Variants in UGT2A1 observed in about 807,000 individuals in gnomAD.
The protein encoded by UGT2A1 is UDP-glucuronosyltransferase 2A1.
A neutral mutation model predicts 45.4 loss-of-function variants in UGT2A1; 61 were observed. The observed-to-expected ratio is 1.34, with a 90% CI of 1.09 to 1.66. The LOEUF (loss-of-function observed/expected upper bound fraction) is 1.66, where lower values mean the gene tolerates loss of function less well. UGT2A1 is among the 40% of genes most tolerant of loss of function. The probability of loss-of-function intolerance (pLI) is 0.00; values close to 1 mark genes in which losing one functional copy is unlikely to be tolerated. For synonymous variants in UGT2A1, 229 were observed against 196.2 expected, an observed-to-expected ratio of 1.17 and a Z score of -1.40; for missense variants, 649 against 574.3, an observed-to-expected ratio of 1.13 and a Z score of -1.33.
At chr4:69,625,963 T>G (rs995613153) in intron 3 of UGT2A1, among the ~76,000 whole-genome samples, 1 of 151,620 alleles carries the variant, frequency 6.6e-6, no homozygotes. Context: ...ATCTTAAAGA[T>G]ACTCAATAAC....
At chr4:69,618,187 A>ATGTGTGTG (rs72430246) in intron 3 of UGT2A1, among the ~76,000 whole-genome samples, 14 of 144,466 alleles carry the variant, frequency 9.7e-5, no homozygotes, top group East Asian at 4.1e-4. Context: ...GCCAGTAAGC[A>ATGTGTGTG]TGTGTGTGTG....
At chr4:69,631,010 G>A (rs1434760931) in intron 3 of UGT2A1, among the ~76,000 whole-genome samples, 3 of 152,082 alleles carry the variant, frequency 2.0e-5, no homozygotes, top group African/African-American at 7.2e-5. Flanking sequence ...GGATGTCCCA[G>A]CTCTCTAGAT....
At chr4:69,619,835 A>C (rs1720639164) in intron 3 of UGT2A1, among the ~76,000 whole-genome samples, 1 of 152,076 alleles carries the variant, frequency 6.6e-6, no homozygotes, top group South Asian at 2.1e-4. Flanking sequence ...TGCAGAAGGC[A>C]AGATTGGTTC....
chr4:69,591,003 G>T (rs1294476295), intron 6 of UGT2A1, among the ~76,000 whole-genome samples: 5 of 152,110 alleles, frequency 3.3e-5, no homozygotes, highest in Non-Finnish European at 7.4e-5. Context: ...ACTATACCTT[G>T]TGTTCCCAGA....
intron 4 of UGT2A1, chr4:69,596,313 G>A (rs1230146326): frequency 6.2e-7 from 1 of 1,608,352 alleles, no homozygotes; most frequent in Non-Finnish European, 8.5e-7. Flanking sequence ...TAAGGTTTTT[G>A]ACCATTGATC....
At position 69,596,506 on chromosome 4, in the gene UGT2A1, TG is replaced by T; in HGVS notation, c.997-1258del. 3 of 1,276,430 alleles carry T rather than the reference TG, an allele frequency of 2.4e-6. No homozygotes were observed. In the South Asian group the frequency reaches 7.1e-5, roughly 30 times the overall value. The allele number at this position is 1,276,430 out of a possible 1,614,324, so 79.1% of individuals were successfully genotyped here. ...AGAAACTGTTGAACTGTCTGTCTTC[TG>T]ACATGTAGAAAGATCTAGTTTCTAT... On this transcript the variant is annotated intron_variant, in intron 4 of 6. Transcript: ENST00000286604.
chr4:69,609,802 A>C (rs575328915), intron 3 of UGT2A1, among the ~76,000 whole-genome samples: 1 of 152,194 alleles, frequency 6.6e-6, no homozygotes, highest in African/African-American at 2.4e-5. Context: ...TGCATTCCAC[A>C]AAAAAATTAC....
At chr4:69,609,155 AT>A (rs10627999) in intron 3 of UGT2A1, among the ~76,000 whole-genome samples, 19,635 of 142,184 alleles carry the variant, frequency 0.14, 1,443 homozygotes, top group Non-Finnish European at 0.17. Context: ...AATATATAAG[AT>A]TTTTTTTTTT....
intron 2 of UGT2A1, among the ~76,000 whole-genome samples, chr4:69,646,330 G>C (rs1261854154): frequency 6.6e-6 from 1 of 151,754 alleles, no homozygotes; most frequent in African/African-American, 2.4e-5. Context: ...TAGTACCATT[G>C]ATTATATTGT....
Position 69,646,984 on chromosome 4 carries a change from A to G in UGT2A1, c.661T>C (p.Tyr221His), listed in dbSNP as rs1308849765. Reference sequence around the variant, plus strand: ...GATTTCCAAAGAGTTTCAAACATGTAGTCCTGTAGGTGGTAGGAGATGAAA... The same window carrying G: ...GATTTCCAAAGAGTTTCAAACATGTGGTCCTGTAGGTGGTAGGAGATGAAA... ...RNFISYHLQD[Y>H]MFETLWKSWD... is the part of the protein sequence containing the mutation. Residue 221 changes from tyrosine to histidine, a missense_variant, in exon 2 of 7, where the codon TAC (tyrosine) becomes CAC (histidine). Tyr to His is a moderately conservative substitution (Grantham distance 83). Transcript: ENST00000286604. 2 of 1,609,964 alleles carry G rather than the reference A, an allele frequency of 1.2e-6. No individual in the cohort carries two copies. Among genetic ancestry groups the G allele is most frequent in the Non-Finnish European group, 1.7e-6 (2 of 1,178,118 alleles).
Position 69,647,254 on chromosome 4 carries a change from T to C in UGT2A1, c.391A>G (p.Lys131Glu). The change falls in exon 2 of 7, where the codon AAA becomes GAA. Residue 131 changes from lysine (K) to glutamate (E), a missense_variant. Coordinates refer to ENST00000286604, the MANE Select transcript of UGT2A1 (RefSeq NM_001252275.3). ...AGCTTTGCCATCAGCTGTTGGTTTT[T>C]AAGAACGCCATCACAGATCTCCTGA... Reference protein sequence around the residue: ...VSQEICDGVLKNQQLMAKLKK... With the variant: ...VSQEICDGVLENQQLMAKLKK... 1 of 1,613,386 alleles carries C rather than the reference T, an allele frequency of 6.2e-7. No homozygotes were observed. Among genetic ancestry groups the C allele is most frequent in the Non-Finnish European group, 8.5e-7 (1 of 1,179,508 alleles).
At position 69,589,545 on chromosome 4, in the gene UGT2A1, C is replaced by A; in HGVS notation, c.1411G>T (p.Ala471Ser). ...TGGGCTGCAACCCGAAGGTGCTTGGCTCCTTTGTGGCGCATGACAAACTCG... is the reference window on the plus strand; with the variant it reads ...TGGGCTGCAACCCGAAGGTGCTTGGATCCTTTGTGGCGCATGACAAACTCG... ...WIEFVMRHKG[A>S]KHLRVAAHDL... Residue 471 changes from alanine to serine, a missense_variant, in exon 7 of 7, where the codon GCC becomes TCC. Transcript: ENST00000286604. 1 of 1,614,052 alleles carries A rather than the reference C, an allele frequency of 6.2e-7. No individual in the cohort carries two copies. The highest frequency in any genetic ancestry group is 8.5e-7 in the Non-Finnish European group (1 of 1,179,972).
chr4:69,599,243 T>C lies in UGT2A1; in HGVS notation c.996+3A>G. 1 of 1,612,752 alleles carries C rather than the reference T, an allele frequency of 6.2e-7. No homozygotes were observed. The highest frequency in any genetic ancestry group is 8.5e-7 in the Non-Finnish European group (1 of 1,179,592). Reference sequence around the variant, plus strand: ...ATAAAATCCTCCACTGTTGTAGACCTACCTTAGGTAAAGGTTTGGCAGGTT... The same window carrying C: ...ATAAAATCCTCCACTGTTGTAGACCCACCTTAGGTAAAGGTTTGGCAGGTT... On this transcript the variant is annotated splice_donor_region_variant and intron_variant, in intron 4 of 6. Transcript: ENST00000286604.
Position 69,647,520 on chromosome 4 carries a change from T to C in UGT2A1, c.125A>G (p.Glu42Gly), listed in dbSNP as rs1301108606. ...HWLNVKIIID[E>G]LIKKEHNVTV... ...CACATTATGCTCCTTTTTAATGAGC[T>C]CATCTATAATTATCTTAACATTTAG... is the stretch of plus-strand genomic sequence containing the variant. Residue 42 changes from glutamate (E) to glycine (G), a missense_variant, in exon 2 of 7, where the codon GAG (glutamate) becomes GGG (glycine). Coordinates refer to ENST00000286604, the MANE Select transcript of UGT2A1 (RefSeq NM_001252275.3). The C allele has an allele frequency of 1.2e-6, 2 of 1,612,814 alleles. No homozygotes were observed. Among genetic ancestry groups the C allele is most frequent in the Non-Finnish European group, 1.7e-6 (2 of 1,179,300 alleles).
At chr4:69,620,365 G>C (rs978766140) in intron 3 of UGT2A1, among the ~76,000 whole-genome samples, 9 of 132,346 alleles carry the variant, frequency 6.8e-5, no homozygotes, top group Non-Finnish European at 1.2e-4. Context: ...AATCAGGAAG[G>C]CAATCCCATT....
chr4:69,596,512 G>T, intron 4 of UGT2A1: 1 of 1,247,586 alleles, frequency 8.0e-7, no homozygotes, highest in Non-Finnish European at 1.0e-6. Flanking sequence ...CTTCTGACAT[G>T]TAGAAAGATC....
chr4:69,616,713 G>T lies in UGT2A1; in HGVS notation c.848-17319C>A, dbSNP rs1289822908. ...TAGGATTTGCGATAGTTCATTTAGG[G>T]AGATAAGAAATGGAAAAGTATAAGC... On this transcript the variant is annotated intron_variant, in intron 3 of 6. Transcript: ENST00000286604. 5.9e-5 allele frequency among the ~76,000 whole-genome samples: 9 copies of T among 151,864 alleles called. No individual in the cohort carries two copies. The East Asian group carries it at 1.7e-3, about 29-fold the overall frequency.
intron 2 of UGT2A1, among the ~76,000 whole-genome samples, chr4:69,637,061 G>A (rs17618520): frequency 0.34 from 51,564 of 151,884 alleles, 9,002 homozygotes; most frequent in South Asian, 0.39. Context: ...TACAATTATT[G>A]TAGAACACAT....
At chr4:69,643,974 T>C (rs1473701431) in intron 2 of UGT2A1, among the ~76,000 whole-genome samples, 1 of 151,682 alleles carries the variant, frequency 6.6e-6, no homozygotes, top group Non-Finnish European at 1.5e-5. Flanking sequence ...AATACTTTAC[T>C]TCTTACCTGG....
Sources: allele counts gnomAD v4.1 joint callset (sites outside exome capture counted in the v4.1 genomes callset), GRCh38; gene constraint gnomAD v4.1.1; transcripts MANE v1.5; gene names NCBI Gene and HGNC (gene_info 2026-07-23, HGNC 2026-07-21).